Variants in RPP30 observed in about 807,000 individuals in gnomAD.
RPP30 encodes the protein ribonuclease P protein subunit p30.
RPP30 carries 36 observed loss-of-function variants against 38.6 expected under a neutral mutation model. The ratio of observed to expected loss-of-function variants is 0.93; its 90% CI spans 0.71 to 1.23. The LOEUF is 1.23. RPP30 is among the 50% of genes most tolerant of loss of function. The pLI, the probability that RPP30 is intolerant of heterozygous loss-of-function variation, is 0.00. For missense variants in RPP30, 321 were observed against 321.7 expected (o/e 1.00, Z 0.02); for synonymous variants, 126 against 112.7 (o/e 1.12, Z -0.75).
At chr10:90,879,759 T>TG (rs1262104735) in intron 5 of RPP30, among the ~76,000 whole-genome samples, 1 of 152,224 alleles carries the variant, frequency 6.6e-6, no homozygotes, top group African/African-American at 2.4e-5. Flanking sequence ...CGTGTATGCT[T>TG]GTTTGTCACC....
At position 90,885,829 on chromosome 10, in the gene RPP30, A is replaced by G; in HGVS notation, c.360A>G (p.Leu120=). 1.2e-6 allele frequency: 2 copies of G among 1,609,690 alleles called. No individual in the cohort carries two copies. Among genetic ancestry groups the G allele is most frequent in the Non-Finnish European group, 1.7e-6 (2 of 1,178,346 alleles). Residue 120 remains leucine, a synonymous_variant, in exon 6 of 11, where the codon TTA becomes TTG. Transcript: ENST00000371703. ...EKLFHIACTH[L]DVDLVCITVT... is the part of the protein sequence containing the mutation. ...CTTTACAGATTGCTTGCACACATTT[A>G]GATGTGGATTTAGTCTGCATAACTG...
chr10:90,895,985 A>G (rs535269986), intron 9 of RPP30, 68 bp downstream of exon 9: 1 of 1,170,856 alleles, frequency 8.5e-7, no homozygotes, highest in African/African-American at 1.5e-5. Context: ...AAGTCGTATT[A>G]TAGTTGAACA....
At chr10:90,872,161 C>A in intron 1 of RPP30, 93 bp downstream of exon 1, 2 of 1,063,742 alleles carry the variant, frequency 1.9e-6, no homozygotes, top group Non-Finnish European at 2.9e-6. Flanking sequence ...GGGTCTCGGT[C>A]AGGTCTCCCA....
At chr10:90,900,506 A>G (rs1012007161) in intron 10 of RPP30, 64 bp from the exon 11 acceptor site, 27 of 1,521,588 alleles carry the variant, frequency 1.8e-5, no homozygotes, top group Non-Finnish European at 2.4e-5. Context: ...GTAATATGTT[A>G]AACCACCTCA....
chr10:90,879,004 C>G, intron 4 of RPP30, 59 bp from the exon 5 acceptor site: 1 of 1,389,432 alleles, frequency 7.2e-7, no homozygotes. Context: ...AATCACTAGA[C>G]AGAATTTCAT....
chr10:90,875,242 C>T (rs988361151), intron 2 of RPP30, among the ~76,000 whole-genome samples: 68 of 142,620 alleles, frequency 4.8e-4, no homozygotes, highest in African/African-American at 1.9e-3. Context: ...TTGTCATGGG[C>T]TTATTAACTA....
chr10:90,888,749 C>T (rs933399226), intron 6 of RPP30, among the ~76,000 whole-genome samples: 1 of 152,138 alleles, frequency 6.6e-6, no homozygotes, highest in African/African-American at 2.4e-5. Context: ...AGGAAAGCTC[C>T]TTTCGTTTGA....
intron 5 of RPP30, among the ~76,000 whole-genome samples, chr10:90,881,898 C>CCCTTGTAACT (rs1846932815): frequency 8.5e-5 from 13 of 152,210 alleles, no homozygotes; most frequent in African/African-American, 3.1e-4. Context: ...ATGTTTATGT[C>CCCTTGTAACT]AATAGTAGTA....
At chr10:90,906,970 A>G (rs754147690), downstream of RPP30, among the ~76,000 whole-genome samples, 3 of 152,224 alleles carry the variant, frequency 2.0e-5, no homozygotes, top group Non-Finnish European at 4.4e-5. Flanking sequence ...CAACGTGTTT[A>G]TCTTTTCCAT....
exon 5 of RPP30, chr10:90,908,333 G>A (rs933239341): frequency 1.1e-4 from 17 of 152,084 alleles, no homozygotes; most frequent in African/African-American, 3.9e-4. Context: ...CTTAGGACCT[G>A]GCCTAGCACC....
chr10:90,906,632 C>T (rs1172307655), downstream of RPP30, among the ~76,000 whole-genome samples: 1 of 152,154 alleles, frequency 6.6e-6, no homozygotes, highest in Non-Finnish European at 1.5e-5. Flanking sequence ...AGCCTGGAGG[C>T]CAGGAGCCTA....
chr10:90,878,882 G>C (rs1202439390), intron 4 of RPP30, among the ~76,000 whole-genome samples, 181 bp from the exon 5 acceptor site: 1 of 152,200 alleles, frequency 6.6e-6, no homozygotes, highest in Non-Finnish European at 1.5e-5. Flanking sequence ...TGGTGAGATG[G>C]ATATTTGTAT....
chr10:90,874,886 G>C lies in RPP30; in HGVS notation c.100G>C (p.Ala34Pro). 6.3e-7 allele frequency: 1 copy of C among 1,594,742 alleles called. No homozygotes were observed. The highest frequency in any genetic ancestry group is 1.1e-5 in the South Asian group (1 of 87,934). Residue 34 changes from alanine (A) to proline (P), a missense_variant, in exon 2 of 11, where the codon GCT becomes CCT. Coordinates refer to ENST00000371703, the MANE Select transcript of RPP30 (RefSeq NM_006413.5). The part of the protein sequence containing the change: ...TAAHLGYSVV[A>P]INHIVDFKEK... ...TTTTTCAGTTGGCTATTCAGTTGTT[G>C]CTATCAATCATATCGTTGACTTTAA...
rs188535791 is a variant in RPP30 at position 90,908,492 on chromosome 10, T to G, written n.563T>G. ...ATTTTTTCAACATCATGTGCCTGTT[T>G]CCTGTCTCGCTCATGTCACATTTTG... On this transcript the variant is annotated non_coding_transcript_exon_variant, in exon 5 of 5. Coordinates refer to the RPP30 transcript ENST00000470933. The G allele has an allele frequency of 3.8e-4, 58 of 152,334 alleles. 1 individual carries two copies. The highest frequency in any genetic ancestry group is 2.8e-3 in the Admixed American group (43 of 15,294). 9.4% of individuals were successfully genotyped at this position (152,334 alleles called of 1,614,324 possible).
At chr10:90,881,752 C>G (rs1173345859) in intron 5 of RPP30, among the ~76,000 whole-genome samples, 1 of 152,124 alleles carries the variant, frequency 6.6e-6, no homozygotes, top group Non-Finnish European at 1.5e-5. Flanking sequence ...TTACATTCTA[C>G]AAGTGATTTT....
intron 6 of RPP30, among the ~76,000 whole-genome samples, chr10:90,889,559 C>T (rs1330549434): frequency 3.3e-5 from 5 of 151,864 alleles, no homozygotes; most frequent in Admixed American, 6.6e-5. Context: ...GTGATCCACC[C>T]GCCTCGGCCA....
At chr10:90,890,938 A>G (rs1467234436) in intron 6 of RPP30, among the ~76,000 whole-genome samples, 1 of 152,222 alleles carries the variant, frequency 6.6e-6, no homozygotes, top group Non-Finnish European at 1.5e-5. Flanking sequence ...TATCATAGTA[A>G]GAGATTTCAC....
At chr10:90,873,289 A>G (rs1456721541) in intron 1 of RPP30, among the ~76,000 whole-genome samples, 1 of 152,192 alleles carries the variant, frequency 6.6e-6, no homozygotes, top group Non-Finnish European at 1.5e-5. Flanking sequence ...TTTAAAATAC[A>G]CTTGGAAGAG....
chr10:90,887,382 G>A (rs905980448), intron 6 of RPP30, among the ~76,000 whole-genome samples: 17 of 151,662 alleles, frequency 1.1e-4, no homozygotes, highest in Admixed American at 8.5e-4. Context: ...CTCTTGTTGG[G>A]TAAATTTTTT....
Sources: gnomAD v4.1 joint callset for allele counts (sites outside exome capture counted in the v4.1 genomes callset) on GRCh38, gnomAD v4.1.1 for gene constraint, MANE v1.5 for transcripts, NCBI Gene and HGNC (gene_info 2026-07-23, HGNC 2026-07-21) for gene names.